RBM48: variants seen among roughly 807,000 people sequenced by gnomAD.
RBM48 encodes RNA-binding protein 48.
Under a neutral mutation model 34.8 loss-of-function variants are expected in RBM48, and 32 were observed. That is an observed-to-expected ratio of 0.92 (90% CI 0.69 to 1.23). The LOEUF is 1.23. Among genes scored for constraint, RBM48 ranks in the 50% most tolerant of loss-of-function variants. RBM48 has a pLI of 0.00. For synonymous variants in RBM48, 151 were observed against 156.2 expected, an observed-to-expected ratio of 0.97 and a Z score of 0.25; for missense variants, 441 against 447.2, an observed-to-expected ratio of 0.99 and a Z score of 0.12.
At chr7:92,534,261 C>T in intron 3 of RBM48, 141 bp from the exon 4 acceptor site, 1 of 1,233,864 alleles carries the variant, frequency 8.1e-7, no homozygotes, top group Non-Finnish European at 1.1e-6. Context: ...TGAATATATA[C>T]CCTTCTCAAG....
chr7:92,536,762 A>G (rs1029712428), intron 4 of RBM48, 89 bp from the exon 5 acceptor site: 56 of 1,442,224 alleles, frequency 3.9e-5, no homozygotes, highest in Middle Eastern at 2.5e-4. Flanking sequence ...GGATTGAACT[A>G]TTGGATGTAG....
intron 1 of RBM48, chr7:92,529,191 C>T: frequency 3.5e-6 from 2 of 577,736 alleles, no homozygotes; most frequent in Non-Finnish European, 6.1e-6. Context: ...CAGGTAAGCA[C>T]TCAGTGAATA....
At position 92,536,548 on chromosome 7, in the gene RBM48, C is replaced by T. The variant is rs929412; in HGVS notation, c.1018-303C>T. Reference sequence around the variant, plus strand: ...CAAAACCAGGATATCTATCTGAATCCGTAATATAACAAGTGTCTTTAGATC... The same window carrying T: ...CAAAACCAGGATATCTATCTGAATCTGTAATATAACAAGTGTCTTTAGATC... On this transcript the variant is annotated intron_variant, in intron 4 of 4. Coordinates refer to ENST00000265732, the MANE Select transcript of RBM48 (RefSeq NM_032120.4). 0.024 allele frequency: 24,525 copies of T among 1,014,064 alleles called. 772 individuals carry two copies. The East Asian group carries it at 0.26, about 11-fold the overall frequency. 62.8% of individuals were successfully genotyped at this position (1,014,064 alleles called of 1,614,324 possible).
At chr7:92,533,888 G>A (rs1268368631) in intron 3 of RBM48, among the ~76,000 whole-genome samples, 2 of 146,984 alleles carry the variant, frequency 1.4e-5, no homozygotes, top group Non-Finnish European at 3.0e-5. Flanking sequence ...AGTGCGACAA[G>A]CATATTGCTT....
chr7:92,533,429 A>G (rs916960766), intron 3 of RBM48, among the ~76,000 whole-genome samples: 4 of 152,234 alleles, frequency 2.6e-5, no homozygotes, highest in Admixed American at 6.5e-5. Flanking sequence ...TAAAGACAAA[A>G]TAAGGGTTAA....
chr7:92,534,736 A>C lies in RBM48; in HGVS notation c.783A>C (p.Ala261=), dbSNP rs780804266. Residue 261 remains alanine (A), a synonymous_variant, in exon 4 of 5, where the codon GCA becomes GCC. Coordinates refer to ENST00000265732, the MANE Select transcript of RBM48 (RefSeq NM_032120.4). The part of the protein sequence containing the change: ...SLKNSVACPG[A]QKAITSSEAV... The stretch of plus-strand genomic sequence containing the variant: ...AAAACTCAGTGGCCTGCCCTGGTGC[A>C]CAAAAGGCTATTACGTCTTCAGAGG... The C allele has an allele frequency of 6.2e-7, 1 of 1,614,200 alleles. No homozygotes were observed. The highest frequency in any genetic ancestry group is 2.2e-5 in the East Asian group (1 of 44,886).
rs767368453 is a variant in RBM48, at chr7:92,536,958, A to G, written c.*21A>G. The G allele has an allele frequency of 4.7e-6, 7 of 1,496,762 alleles. No homozygotes were observed. In the South Asian group the frequency reaches 8.9e-5, roughly 19 times the overall value. The allele number at this position is 1,496,762 out of a possible 1,614,324, so 92.7% of individuals were successfully genotyped here. ...TATAGAGTGCCAGCAGCAACTTAGT[A>G]TTTTCTAAAAAGAACATTTATTATT... is the stretch of plus-strand genomic sequence containing the variant. On this transcript the variant is annotated 3_prime_UTR_variant, in exon 5 of 5. Transcript: ENST00000265732.
intron 4 of RBM48, chr7:92,536,250 A>G (rs1428529774): frequency 1.0e-6 from 1 of 983,908 alleles, no homozygotes; most frequent in African/African-American, 1.7e-5. Flanking sequence ...TTTTCAAGAT[A>G]AACGTGTGAA....
At chr7:92,536,270 C>G (rs1375009774) in intron 4 of RBM48, 3 of 981,772 alleles carry the variant, frequency 3.1e-6, no homozygotes, top group South Asian at 4.7e-5. Flanking sequence ...AGTCCAAATT[C>G]TAGGTCCAGA....
At chr7:92,534,277 AT>A in intron 3 of RBM48, 124 bp from the exon 4 acceptor site, 6 of 1,350,282 alleles carry the variant, frequency 4.4e-6, no homozygotes, top group Admixed American at 4.2e-5. Context: ...TCAAGAAATG[AT>A]TTTTTTGGAG....
chr7:92,536,411 G>A, intron 4 of RBM48: 1 of 985,726 alleles, frequency 1.0e-6, no homozygotes, highest in African/African-American at 1.7e-5. Flanking sequence ...CTGATGGTGT[G>A]TTTGCTTTTC....
intron 2 of RBM48, among the ~76,000 whole-genome samples, chr7:92,531,851 C>T (rs1225580310): frequency 2.0e-5 from 3 of 152,272 alleles, no homozygotes; most frequent in Admixed American, 2.0e-4. Context: ...TTATCATTAT[C>T]CCTGGATATA....
In RBM48 at chr7:92,534,937, A is replaced by G; in HGVS notation, c.984A>G (p.Thr328=). ...ATATGCACGATGACTCATTGAATAC[A>G]ACGGCGAATTTAATTCGGCATAAAC... ...KVDMHDDSLN[T]TANLIRHKLK... is the part of the protein sequence containing the mutation. Residue 328 remains threonine (T), a synonymous_variant, in exon 4 of 5, where the codon ACA becomes ACG. Coordinates refer to ENST00000265732, the MANE Select transcript of RBM48 (RefSeq NM_032120.4). 1.9e-6 allele frequency: 3 copies of G among 1,614,208 alleles called. No individual in the cohort carries two copies. The highest frequency in any genetic ancestry group is 2.2e-5 in the East Asian group (1 of 44,890).
At position 92,532,425 on chromosome 7, in the gene RBM48, T is replaced by C; in HGVS notation, c.324T>C (p.Asp108=). 1 of 1,611,160 alleles carries C rather than the reference T, an allele frequency of 6.2e-7. No individual in the cohort carries two copies. Residue 108 remains aspartate (D), a synonymous_variant, in exon 3 of 5, where the codon GAT becomes GAC. Coordinates refer to ENST00000265732, the MANE Select transcript of RBM48 (RefSeq NM_032120.4). ...QSARTAKRKM[D]EQSFFGGLLH... is the part of the protein sequence containing the mutation. ...TCAGGACAGCCAAGAGAAAAATGGA[T>C]GAACAGAGTTTCTTCGGTGGATTGC...
At chr7:92,530,384 A>G (rs960415307) in intron 2 of RBM48, among the ~76,000 whole-genome samples, 2 of 151,502 alleles carry the variant, frequency 1.3e-5, no homozygotes, top group African/African-American at 4.9e-5. Context: ...AGTCCCAGCT[A>G]CTCAGGTGGC....
In RBM48 at chr7:92,538,878, G is replaced by A. The variant is rs1293150229; in HGVS notation, c.*1941G>A. Among the ~76,000 whole-genome samples, 3 of 152,300 alleles carry A rather than the reference G, an allele frequency of 2.0e-5. No individual in the cohort carries two copies. Among genetic ancestry groups the A allele is most frequent in the Non-Finnish European group, 2.9e-5 (2 of 68,018 alleles). ...AAGGAGAGGAGCTGCTAAATGGGTC[G>A]TGTGTTTCTGAATGGGTTCCTGATA... is the stretch of plus-strand genomic sequence containing the variant. On this transcript the variant is annotated 3_prime_UTR_variant, in exon 5 of 5. Transcript: ENST00000265732.
rs1793821538 is a variant in RBM48, at chr7:92,539,889, A to T, written c.*2952A>T. Among the ~76,000 whole-genome samples the T allele has an allele frequency of 6.6e-6, 1 of 152,224 alleles. No individual in the cohort carries two copies. Among genetic ancestry groups the T allele is most frequent in the Non-Finnish European group, 1.5e-5 (1 of 68,042 alleles). ...TGTCTCCAAAATTTTAAAAACATTG[A>T]CAGCAATTGTATTGAAAGAGATCAA... On this transcript the variant is annotated 3_prime_UTR_variant, in exon 5 of 5. Coordinates refer to ENST00000265732, the MANE Select transcript of RBM48 (RefSeq NM_032120.4).
Position 92,535,463 on chromosome 7 carries a change from T to C in RBM48, c.1017+493T>C, listed in dbSNP as rs1793687013. On this transcript the variant is annotated intron_variant, in intron 4 of 4. Coordinates refer to ENST00000265732, the MANE Select transcript of RBM48 (RefSeq NM_032120.4). ...GGCCTCCAGGTATGCATTTCAAATG[T>C]AGACTTCTTAAATGATCGGGATCAG... The C allele has an allele frequency of 2.0e-6, 2 of 997,312 alleles. 1 individual carries two copies. Among genetic ancestry groups the C allele is most frequent in the South Asian group, 9.2e-5 (2 of 21,846 alleles). The allele number at this position is 997,312 out of a possible 1,614,324, so 61.8% of individuals were successfully genotyped here.
intron 3 of RBM48, among the ~76,000 whole-genome samples, chr7:92,534,008 A>G (rs571599188): frequency 9.9e-4 from 150 of 152,062 alleles, no homozygotes; most frequent in African/African-American, 3.5e-3. Flanking sequence ...TATAATGATG[A>G]AAAACCTCTG....
Sources: allele counts gnomAD v4.1 joint callset (sites outside exome capture counted in the v4.1 genomes callset), GRCh38; gene constraint gnomAD v4.1.1; transcripts MANE v1.5; gene names NCBI Gene and HGNC (gene_info 2026-07-23, HGNC 2026-07-21).